MTX3: variants seen among roughly 807,000 people sequenced by gnomAD.
The protein encoded by MTX3 is metaxin-3.
MTX3 carries 27 observed loss-of-function variants against 42.5 expected under a neutral mutation model. The ratio of observed to expected loss-of-function variants is 0.64; its 90% CI spans 0.47 to 0.88. The LOEUF is 0.88. Ranked by LOEUF, MTX3 falls within the 40% of genes least tolerant of loss-of-function variation. MTX3 has a pLI of 0.00. For synonymous variants in MTX3, 144 were observed against 132.9 expected (o/e 1.08, Z -0.57); for missense variants, 378 against 367.0 (o/e 1.03, Z -0.25).
Position 79,983,730 on chromosome 5 carries a change from G to C in MTX3, c.893C>G (p.Thr298Ser). ...PPRKLPTLKL[T>S]PAEEENNSFQ... Reference sequence around the variant, plus strand: ...GGAATTATTTTCTTCTTCTGCTGGAGTCAATTTAAGTGTTGGCAGTTTCCG... The same window carrying C: ...GGAATTATTTTCTTCTTCTGCTGGACTCAATTTAAGTGTTGGCAGTTTCCG... The change falls in exon 9 of 9, where the codon ACT (threonine) becomes AGT (serine). Residue 298 changes from threonine (T) to serine (S), a missense_variant. By Grantham distance (58) the Thr-to-Ser change is moderately conservative. Coordinates refer to ENST00000512528, the MANE Select transcript of MTX3 (RefSeq NM_001363818.2). 1.2e-6 allele frequency: 2 copies of C among 1,613,956 alleles called. No individual in the cohort carries two copies. The highest frequency in any genetic ancestry group is 2.2e-5 in the South Asian group (2 of 91,080).
In MTX3 at chr5:79,986,708, CAAG is replaced by C. The variant is rs778683605; in HGVS notation, c.739+239_739+241del. 3.1e-5 allele frequency: 17 copies of C among 557,314 alleles called. 1 individual carries two copies. The highest frequency in any genetic ancestry group is 8.6e-5 in the South Asian group (5 of 58,356). The allele number at this position is 557,314 out of a possible 1,614,324, so 34.5% of individuals were successfully genotyped here. ...CTTCAAAGGGGTAATATTTAAAGAA[CAAG>C]AAGAAGAAACGTAAAAATCCAGCGG... is the stretch of plus-strand genomic sequence containing the variant. On this transcript the variant is annotated intron_variant, in intron 7 of 8. Transcript: ENST00000512528.
intron 8 of MTX3, 147 bp downstream of exon 8, chr5:79,985,424 T>C (rs1831467903): frequency 3.1e-6 from 2 of 635,366 alleles, no homozygotes. Context: ...CATACAACTT[T>C]AGTGAAAGTA....
chr5:79,991,170 G>A lies in MTX3; in HGVS notation c.69C>T (p.Ser23=), dbSNP rs781468463. 1.1e-5 allele frequency: 17 copies of A among 1,535,400 alleles called. No homozygotes were observed. The South Asian group carries it at 1.5e-4, about 13-fold the overall frequency. The change falls in exon 1 of 9, where the codon TCC becomes TCT. Residue 23 remains serine (S), a synonymous_variant. Transcript: ENST00000512528. The part of the protein sequence containing the change: ...GWGLPSVHSE[S]LVVMAYAKFS... ...GAGGCGGCCTCACCATCACCACCAGGGACTCGCTGTGAACCGATGGGAGTC... is the reference window on the plus strand; with the variant it reads ...GAGGCGGCCTCACCATCACCACCAGAGACTCGCTGTGAACCGATGGGAGTC...
rs1266833323 is a variant in MTX3 at position 79,990,700 on chromosome 5, G to A, written c.82-37C>T. Reference sequence around the variant, plus strand: ...TTTGCAATCAAACATTTTAGACCAAGTGCGTAATGCAAAGCTGCAGAGCAG... The same window carrying A: ...TTTGCAATCAAACATTTTAGACCAAATGCGTAATGCAAAGCTGCAGAGCAG... On this transcript the variant is annotated intron_variant, in intron 1 of 8. Transcript: ENST00000512528. 6 of 1,482,752 alleles carry A rather than the reference G, an allele frequency of 4.0e-6. No individual in the cohort carries two copies. In the Admixed American group the frequency reaches 8.5e-5, roughly 21 times the overall value. The allele number at this position is 1,482,752 out of a possible 1,614,324, so 91.8% of individuals were successfully genotyped here.
intron 2 of MTX3, 69 bp downstream of exon 2, chr5:79,990,525 C>A: frequency 1.0e-6 from 1 of 1,002,980 alleles, no homozygotes; most frequent in South Asian, 1.7e-5. Context: ...TAGCTATATA[C>A]CTCACAGCTT....
At position 79,978,378 on chromosome 5, in the gene MTX3, T is replaced by G. The variant is rs1258109999; in HGVS notation, c.*5306A>C. The G allele has an allele frequency of 6.6e-6, 1 of 152,138 alleles. No individual in the cohort carries two copies. The highest frequency in any genetic ancestry group is 2.4e-5 in the African/African-American group (1 of 41,388). 9.4% of individuals were successfully genotyped at this position (152,138 alleles called of 1,614,324 possible). A position where few individuals can be genotyped will look rare whatever the true frequency, so the allele number is the denominator to read the frequency against. ...GTGAGGCGGGCAGAATCACCTGAGG[T>G]CAGGAGTTCAAAATCAGCCTGGTCA... On this transcript the variant is annotated 3_prime_UTR_variant, in exon 9 of 9. Transcript: ENST00000512528.
Position 79,991,213 on chromosome 5 carries a change from C to T in MTX3, c.26G>A (p.Cys9Tyr). ...TGGGAGTCCCCAGCCGCCTCCCCAG[C>T]AACTGAGTTCCAAGGGGGCCGCCAT... is the stretch of plus-strand genomic sequence containing the variant. MAAPLELS[C>Y]WGGGWGLPSV... The change falls in exon 1 of 9, where the codon TGC becomes TAC. Residue 9 changes from cysteine (C) to tyrosine (Y), a missense_variant. Transcript: ENST00000512528. 2.7e-6 allele frequency: 4 copies of T among 1,474,370 alleles called. No homozygotes were observed. The highest frequency in any genetic ancestry group is 2.7e-6 in the Non-Finnish European group (3 of 1,107,240). 91.3% of individuals were successfully genotyped at this position (1,474,370 alleles called of 1,614,324 possible).
At chr5:79,983,889 A>T in intron 8 of MTX3, 95 bp from the exon 9 acceptor site, 1 of 750,822 alleles carries the variant, frequency 1.3e-6, no homozygotes. Flanking sequence ...AGAAGAGTAC[A>T]GAACCATATG....
In MTX3 at chr5:79,983,455, G is replaced by A. The variant is rs534883267; in HGVS notation, c.*229C>T. ...ACAGTACGATGTGTTTTTCTTCCCC[G>A]CCCCCCCAACCAAGTTCATTTAGCA... On this transcript the variant is annotated 3_prime_UTR_variant, in exon 9 of 9. Transcript: ENST00000512528. 20 of 523,342 alleles carry A rather than the reference G, an allele frequency of 3.8e-5. No homozygotes were observed. The highest frequency in any genetic ancestry group is 1.4e-4 in the Admixed American group (4 of 28,996). The allele number at this position is 523,342 out of a possible 1,614,324, so 32.4% of individuals were successfully genotyped here.
intron 7 of MTX3, among the ~76,000 whole-genome samples, chr5:79,985,928 T>TG (rs1254196496): frequency 2.5e-4 from 29 of 117,100 alleles, no homozygotes; most frequent in African/African-American, 8.7e-4. Context: ...TAATTAGTTT[T>TG]TTTTTTTTTT....
chr5:79,981,843 A>G lies in MTX3; in HGVS notation c.*1841T>C, dbSNP rs1434731799. 6.6e-6 allele frequency: 1 copy of G among 152,102 alleles called. No homozygotes were observed. Among genetic ancestry groups the G allele is most frequent in the Non-Finnish European group, 1.5e-5 (1 of 68,020 alleles). 9.4% of individuals were successfully genotyped at this position (152,102 alleles called of 1,614,324 possible). On this transcript the variant is annotated 3_prime_UTR_variant, in exon 9 of 9. Transcript: ENST00000512528. ...TACATGTAATATACTTGTAATATAC[A>G]TGTAATGTACTTGTACGTTATAACT...
intron 4 of MTX3, 36 bp downstream of exon 4, chr5:79,989,116 G>C: frequency 3.6e-6 from 5 of 1,396,252 alleles, no homozygotes; most frequent in Non-Finnish European, 4.9e-6. Context: ...TTTGCAACTA[G>C]GCTACTAAAA....
intron 2 of MTX3, 119 bp downstream of exon 2, chr5:79,990,475 A>G: frequency 4.1e-6 from 3 of 738,438 alleles, no homozygotes; most frequent in Non-Finnish European, 6.6e-6. Flanking sequence ...TAAACAACAC[A>G]GAGCCAAGGT....
In MTX3 at chr5:79,981,794, T is replaced by A. The variant is rs953338627; in HGVS notation, c.*1890A>T. 6.6e-6 allele frequency: 1 copy of A among 152,064 alleles called. No individual in the cohort carries two copies. Among genetic ancestry groups the A allele is most frequent in the Admixed American group, 6.5e-5 (1 of 15,280 alleles). The allele number at this position is 152,064 out of a possible 1,614,324, so 9.4% of individuals were successfully genotyped here. On this transcript the variant is annotated 3_prime_UTR_variant, in exon 9 of 9. Coordinates refer to ENST00000512528, the MANE Select transcript of MTX3 (RefSeq NM_001363818.2). ...TTAAAATTTTTAATTCTTTAAAATT[T>A]AAAATTTTTAAATTGTCCTGTTTTA...
chr5:79,987,988 T>C (rs962073946), intron 6 of MTX3, among the ~76,000 whole-genome samples: 1 of 152,140 alleles, frequency 6.6e-6, no homozygotes, highest in African/African-American at 2.4e-5. Context: ...GCTAATTTTT[T>C]GTATTTTTAG....
intron 6 of MTX3, 108 bp downstream of exon 6, chr5:79,988,131 T>C (rs1831540212): frequency 5.6e-6 from 4 of 708,710 alleles, no homozygotes; most frequent in Non-Finnish European, 9.7e-6. Context: ...CTTGTTTTTT[T>C]TAAGTAAAAA....
chr5:79,986,584 A>C (rs1313591416), intron 7 of MTX3: 3 of 360,324 alleles, frequency 8.3e-6, no homozygotes, highest in South Asian at 6.3e-5. Flanking sequence ...AGCAGGTAAA[A>C]ATCATTTAAA....
Position 79,988,324 on chromosome 5 carries a change from G to T in MTX3, c.505-9C>A. 6.5e-7 allele frequency: 1 copy of T among 1,534,122 alleles called. No individual in the cohort carries two copies. The highest frequency in any genetic ancestry group is 8.9e-7 in the Non-Finnish European group (1 of 1,128,418). Reference sequence around the variant, plus strand: ...TTGGCATCTCTGTATATCTAATAAGGATGAAATTATATCTCAAAAGTAGAA... The same window carrying T: ...TTGGCATCTCTGTATATCTAATAAGTATGAAATTATATCTCAAAAGTAGAA... On this transcript the variant is annotated splice_polypyrimidine_tract_variant and intron_variant, in intron 5 of 8. Coordinates refer to ENST00000512528, the MANE Select transcript of MTX3 (RefSeq NM_001363818.2).
chr5:79,989,220 A>G lies in MTX3; in HGVS notation c.253T>C (p.Ser85Pro). The G allele has an allele frequency of 6.2e-7, 1 of 1,603,960 alleles. No homozygotes were observed. The highest frequency in any genetic ancestry group is 8.5e-7 in the Non-Finnish European group (1 of 1,174,656). Residue 85 changes from serine (S) to proline (P), a missense_variant, in exon 4 of 9, where the codon TCA becomes CCA. Physicochemically the swap from Ser to Pro is moderately conservative, Grantham distance 74 (BLOSUM62 -1). Coordinates refer to ENST00000512528, the MANE Select transcript of MTX3 (RefSeq NM_001363818.2). ...AATGTATCTGCCCCTTGTTTTGCTG[A>G]GAGTTCATAATCAGCATTATATTTC... The part of the protein sequence containing the change: ...KQKYNADYEL[S>P]AKQGADTLAY...
Sources: gnomAD v4.1 joint callset for allele counts (sites outside exome capture counted in the v4.1 genomes callset) on GRCh38, gnomAD v4.1.1 for gene constraint, MANE v1.5 for transcripts, NCBI Gene and HGNC (gene_info 2026-07-23, HGNC 2026-07-21) for gene names.